Variants in TRDN observed in about 807,000 individuals in gnomAD.
TRDN encodes the protein triadin.
A neutral mutation model predicts 149.7 loss-of-function variants in TRDN; 161 were observed. The ratio of observed to expected loss-of-function variants is 1.08; its 90% confidence interval spans 0.95 to 1.23. The LOEUF is 1.23. TRDN is among the 50% of genes most tolerant of loss of function. TRDN has a pLI of 0.00. For synonymous variants in TRDN, 294 were observed against 250.5 expected, an observed-to-expected ratio of 1.17 and a Z score of -1.64; for missense variants, 896 against 823.5, an observed-to-expected ratio of 1.09 and a Z score of -1.08.
chr6:123,304,969 C>A (rs1180185170), intron 24 of TRDN, among the ~76,000 whole-genome samples: 1 of 152,002 alleles, frequency 6.6e-6, no homozygotes, highest in East Asian at 1.9e-4. Flanking sequence ...AAACATTTTT[C>A]TTCTTATTTA....
intron 5 of TRDN, among the ~76,000 whole-genome samples, chr6:123,518,327 A>G (rs1399647457): frequency 2.0e-5 from 3 of 152,194 alleles, no homozygotes; most frequent in African/African-American, 4.8e-5. Context: ...CAAATGGTTT[A>G]TTTTGGTTCC....
intron 10 of TRDN, among the ~76,000 whole-genome samples, chr6:123,450,617 T>C (rs537365613): frequency 6.6e-6 from 1 of 152,090 alleles, no homozygotes; most frequent in South Asian, 2.1e-4. Flanking sequence ...CTAACAGACC[T>C]AAGAAATTAG....
chr6:123,571,210 G>A (rs1782561740), intron 1 of TRDN, 78 bp from the exon 2 acceptor site: 1 of 1,474,356 alleles, frequency 6.8e-7, no homozygotes, highest in Non-Finnish European at 9.3e-7. Context: ...CTGACTATAT[G>A]AGTGCTGAAC....
intron 36 of TRDN, 93 bp from the exon 37 acceptor site, chr6:123,255,218 A>C (rs370507671): frequency 3.3e-5 from 18 of 544,674 alleles, no homozygotes; most frequent in East Asian, 3.1e-4. Flanking sequence ...GGATAATTTA[A>C]GTGTTATAAA....
At chr6:123,493,223 T>C (rs954089952) in intron 9 of TRDN, among the ~76,000 whole-genome samples, 3 of 152,136 alleles carry the variant, frequency 2.0e-5, no homozygotes, top group African/African-American at 2.4e-5. Flanking sequence ...CAACTTAATA[T>C]AGAGTAAGTC....
chr6:123,275,697 T>A (rs549726944), intron 26 of TRDN, among the ~76,000 whole-genome samples: 1 of 152,212 alleles, frequency 6.6e-6, no homozygotes, highest in East Asian at 1.9e-4. Context: ...TTGAGACACT[T>A]AATATAGAAA....
chr6:123,302,933 T>A (rs1195197025), intron 24 of TRDN, among the ~76,000 whole-genome samples: 1 of 152,200 alleles, frequency 6.6e-6, no homozygotes, highest in Non-Finnish European at 1.5e-5. Context: ...TAACCTTTTA[T>A]ATTTTTCACT....
chr6:123,308,075 A>T (rs1408496475), intron 24 of TRDN, among the ~76,000 whole-genome samples: 1 of 151,908 alleles, frequency 6.6e-6, no homozygotes, highest in Non-Finnish European at 1.5e-5. Context: ...ATGAGTATCT[A>T]ATGTTTAGCT....
rs143484913 is a variant in TRDN at position 123,227,879 on chromosome 6, G to A, written c.1976-3748C>T. 4.6e-5 allele frequency among the ~76,000 whole-genome samples: 7 copies of A among 152,024 alleles called. No homozygotes were observed. The East Asian group carries it at 1.4e-3, about 30-fold the overall frequency. ...GAATCTACTGTACAAATAGAGGAGA[G>A]AGAGGTCCTGCCCAAGGTCACAAAA... On this transcript the variant is annotated intron_variant, in intron 38 of 40. Coordinates refer to ENST00000334268, the MANE Select transcript of TRDN (RefSeq NM_006073.4).
intron 22 of TRDN, 134 bp from the exon 23 acceptor site, chr6:123,332,063 GT>G: frequency 1.6e-6 from 1 of 616,804 alleles, no homozygotes; most frequent in Non-Finnish European, 2.7e-6. Flanking sequence ...TTTAAAAATG[GT>G]TTTACTCATA....
chr6:123,510,790 T>C (rs774307446), intron 7 of TRDN, among the ~76,000 whole-genome samples: 21 of 152,124 alleles, frequency 1.4e-4, no homozygotes, highest in Admixed American at 5.2e-4. Flanking sequence ...ATTACAAGTG[T>C]GTGCCACCAC....
chr6:123,596,978 G>A (rs1784067373), intron 1 of TRDN, among the ~76,000 whole-genome samples: 1 of 151,996 alleles, frequency 6.6e-6, no homozygotes, highest in South Asian at 2.1e-4. Flanking sequence ...GGATCAAAGA[G>A]TAATTTTTAT....
chr6:123,355,899 C>A (rs1780652482), intron 20 of TRDN, among the ~76,000 whole-genome samples: 1 of 151,714 alleles, frequency 6.6e-6, no homozygotes. Context: ...ATTAGAACAG[C>A]ATTGTAGTCA....
chr6:123,340,918 A>C (rs1462775115), intron 21 of TRDN, among the ~76,000 whole-genome samples: 1 of 151,988 alleles, frequency 6.6e-6, no homozygotes, highest in African/African-American at 2.4e-5. Flanking sequence ...ACTGTTCCTA[A>C]AGTTATTTAA....
chr6:123,331,564 A>G (rs563224364), intron 23 of TRDN, among the ~76,000 whole-genome samples: 1 of 152,112 alleles, frequency 6.6e-6, no homozygotes, highest in East Asian at 1.9e-4. Flanking sequence ...TTCCATGGCT[A>G]TTCCTAAGAT....
rs569453710 is a variant in TRDN at position 123,377,609 on chromosome 6, G to A, written c.1246+107C>T. 13 of 1,288,424 alleles carry A rather than the reference G, an allele frequency of 1.0e-5. No individual in the cohort carries two copies. The Admixed American group carries it at 1.9e-4, about 18-fold the overall frequency. 79.8% of individuals were successfully genotyped at this position (1,288,424 alleles called of 1,614,324 possible). A position where few individuals can be genotyped will look rare whatever the true frequency, so the allele number is the denominator to read the frequency against. On this transcript the variant is annotated intron_variant, in intron 18 of 40. Coordinates refer to ENST00000334268, the MANE Select transcript of TRDN (RefSeq NM_006073.4). ...TTGGAAAAAACACTGTGAGATGGAA[G>A]CATTCCCCACCCTTTACTGGCGCTG...
chr6:123,566,199 C>T (rs1210774858), intron 2 of TRDN, among the ~76,000 whole-genome samples: 1 of 152,060 alleles, frequency 6.6e-6, no homozygotes, highest in East Asian at 1.9e-4. Flanking sequence ...TATTTGGTGC[C>T]TTAAAATTTG....
intron 5 of TRDN, among the ~76,000 whole-genome samples, chr6:123,520,807 A>G (rs1251598789): frequency 6.6e-6 from 1 of 152,152 alleles, no homozygotes; most frequent in African/African-American, 2.4e-5. Flanking sequence ...ACTGTGATGC[A>G]TAGCTTTGTG....
chr6:123,401,533 TA>T (rs1380920079), intron 12 of TRDN, among the ~76,000 whole-genome samples: 1 of 152,196 alleles, frequency 6.6e-6, no homozygotes, highest in Non-Finnish European at 1.5e-5. Flanking sequence ...TACCTAAACA[TA>T]AGAATTAGTT....
Sources: gnomAD v4.1 joint callset for allele counts (sites outside exome capture counted in the v4.1 genomes callset) on GRCh38, gnomAD v4.1.1 for gene constraint, MANE v1.5 for transcripts, NCBI Gene and HGNC (gene_info 2026-07-23, HGNC 2026-07-21) for gene names.